The following ARHGAP24 variants were observed in gnomAD, a reference collection of about 807,000 sequenced individuals.
ARHGAP24 encodes the protein Rho GTPase activating protein 24, also known as rho GTPase-activating protein 24.
In ARHGAP24, 50 loss-of-function variants were observed where a neutral mutation model predicts 76.4. The observed-to-expected ratio is 0.65, with a 90% CI of 0.52 to 0.83. ARHGAP24 has a LOEUF of 0.83. ARHGAP24 is among the 40% of genes least tolerant of loss of function. ARHGAP24 has a pLI of 0.00. For missense variants in ARHGAP24, 930 were observed against 914.2 expected (o/e 1.02, Z -0.22); for synonymous variants, 345 against 323.3 (o/e 1.07, Z -0.72).
intron 2 of ARHGAP24, among the ~76,000 whole-genome samples, chr4:85,689,814 G>A (rs993609823): frequency 6.6e-6 from 1 of 152,210 alleles, no homozygotes; most frequent in African/African-American, 2.4e-5. Flanking sequence ...CTCAAAGAGA[G>A]ATAGTTTGAC....
chr4:85,662,724 C>G (rs1722447877), intron 2 of ARHGAP24, among the ~76,000 whole-genome samples: 1 of 152,206 alleles, frequency 6.6e-6, no homozygotes, highest in East Asian at 1.9e-4. Flanking sequence ...CCAGTTTCAG[C>G]TTTCTACATA....
At chr4:85,778,775 C>G in intron 3 of ARHGAP24, 2 of 985,234 alleles carry the variant, frequency 2.0e-6, no homozygotes, top group Non-Finnish European at 2.4e-6. Flanking sequence ...AGTTTATATC[C>G]CCTTCTACAA....
chr4:85,628,842 T>C (rs1721063847), intron 2 of ARHGAP24, among the ~76,000 whole-genome samples: 1 of 152,218 alleles, frequency 6.6e-6, no homozygotes, highest in African/African-American at 2.4e-5. Flanking sequence ...ATGAAATATC[T>C]TTTCCTTCTT....
chr4:85,699,793 G>A (rs1724006053), intron 2 of ARHGAP24, among the ~76,000 whole-genome samples: 1 of 151,858 alleles, frequency 6.6e-6, no homozygotes, highest in African/African-American at 2.4e-5. Flanking sequence ...TTTATTGTCT[G>A]TCTCCCATTA....
In ARHGAP24 at chr4:85,900,413, G is replaced by A. The variant is rs192442774; in HGVS notation, c.269-23235G>A. ...AATTTAAAGATGCCTTATCCTGCAG[G>A]TCATTTTTAATACATATACTTTTTT... On this transcript the variant is annotated intron_variant, in intron 3 of 9. Coordinates refer to ENST00000395184, the MANE Select transcript of ARHGAP24 (RefSeq NM_001025616.3). Among the ~76,000 whole-genome samples, 11 of 151,910 alleles carry A rather than the reference G, an allele frequency of 7.2e-5. No homozygotes were observed. In the East Asian group the frequency reaches 2.1e-3, roughly 29 times the overall value.
chr4:85,495,857 A>G (rs1016415641), intron 1 of ARHGAP24, among the ~76,000 whole-genome samples: 1 of 152,190 alleles, frequency 6.6e-6, no homozygotes, highest in African/African-American at 2.4e-5. Flanking sequence ...GCTGTAATTT[A>G]TGACTGTCAG....
intron 6 of ARHGAP24, among the ~76,000 whole-genome samples, chr4:85,973,050 A>G (rs1267894342): frequency 6.6e-6 from 1 of 151,808 alleles, no homozygotes; most frequent in Non-Finnish European, 1.5e-5. Context: ...GCATGGATCT[A>G]TGTTTCTATT....
intron 3 of ARHGAP24, among the ~76,000 whole-genome samples, chr4:85,801,211 C>T (rs1728566727): frequency 6.6e-6 from 1 of 151,998 alleles, no homozygotes; most frequent in Non-Finnish European, 1.5e-5. Flanking sequence ...AAACCTATAT[C>T]CTACTTTTTA....
chr4:85,956,718 C>G (rs1394063268), intron 5 of ARHGAP24, among the ~76,000 whole-genome samples: 1 of 152,154 alleles, frequency 6.6e-6, no homozygotes, highest in Non-Finnish European at 1.5e-5. Flanking sequence ...TTAGCCCGAT[C>G]GGGAGGGGCA....
At chr4:85,511,763 C>A (rs900147941) in intron 1 of ARHGAP24, among the ~76,000 whole-genome samples, 4 of 152,168 alleles carry the variant, frequency 2.6e-5, no homozygotes, top group African/African-American at 7.2e-5. Flanking sequence ...ACCCGCCTGG[C>A]CGAAATTCAC....
At chr4:85,783,424 A>G (rs945428841) in intron 3 of ARHGAP24, among the ~76,000 whole-genome samples, 1 of 151,838 alleles carries the variant, frequency 6.6e-6, no homozygotes, top group Admixed American at 6.6e-5. Context: ...TGCTCATTTG[A>G]TTATTTCAGA....
intron 3 of ARHGAP24, among the ~76,000 whole-genome samples, chr4:85,908,432 C>A (rs182270373): frequency 2.0e-5 from 3 of 152,266 alleles, no homozygotes; most frequent in Non-Finnish European, 4.4e-5. Flanking sequence ...GAAGGTGTAG[C>A]ATTAAACTAG....
At chr4:85,566,074 C>A (rs1202234433) in intron 1 of ARHGAP24, among the ~76,000 whole-genome samples, 2 of 152,186 alleles carry the variant, frequency 1.3e-5, no homozygotes, top group Non-Finnish European at 2.9e-5. Context: ...CAGTAGCCAT[C>A]ATTAAGGTTT....
At chr4:85,711,687 T>C (rs984733863) in intron 2 of ARHGAP24, among the ~76,000 whole-genome samples, 40 of 152,198 alleles carry the variant, frequency 2.6e-4, no homozygotes, top group African/African-American at 9.6e-4. Flanking sequence ...CAATTTTACT[T>C]GGTTGTTAAA....
At chr4:85,762,366 G>A (rs956964357) in intron 3 of ARHGAP24, among the ~76,000 whole-genome samples, 1 of 152,116 alleles carries the variant, frequency 6.6e-6, no homozygotes, top group African/African-American at 2.4e-5. Context: ...TTGAGAACGA[G>A]AAGGAAAGGA....
At chr4:85,707,985 G>A (rs1325326350) in intron 2 of ARHGAP24, among the ~76,000 whole-genome samples, 2 of 152,102 alleles carry the variant, frequency 1.3e-5, no homozygotes, top group Admixed American at 1.3e-4. Context: ...AATGATCTGA[G>A]AGAGCTGAGG....
intron 3 of ARHGAP24, among the ~76,000 whole-genome samples, chr4:85,748,767 G>A (rs887296915): frequency 6.6e-6 from 1 of 152,162 alleles, no homozygotes; most frequent in African/African-American, 2.4e-5. Context: ...AAATTAGAAT[G>A]GGTTCAAGTC....
At chr4:85,830,634 A>G (rs1234704417) in intron 3 of ARHGAP24, among the ~76,000 whole-genome samples, 1 of 152,202 alleles carries the variant, frequency 6.6e-6, no homozygotes, top group East Asian at 1.9e-4. Context: ...CCAAAGCAGT[A>G]TAGATTCAGA....
At chr4:85,992,607 G>T (rs2148869010) in intron 8 of ARHGAP24, among the ~76,000 whole-genome samples, 2 of 152,278 alleles carry the variant, frequency 1.3e-5, no homozygotes, top group East Asian at 3.9e-4. Flanking sequence ...ACCTCCGAAA[G>T]TGTGTCTGCG....
Sources: gnomAD v4.1 joint callset for allele counts (sites outside exome capture counted in the v4.1 genomes callset) on GRCh38, gnomAD v4.1.1 for gene constraint, MANE v1.5 for transcripts, NCBI Gene and HGNC (gene_info 2026-07-23, HGNC 2026-07-21) for gene names.